The following ZNF98 variants were observed in gnomAD, a reference collection of about 807,000 sequenced individuals.
ZNF98 encodes the protein zinc finger protein 98, also known as zinc finger protein 739.
Under a neutral mutation model 12.8 loss-of-function variants are expected in ZNF98, and 8 were observed. The observed-to-expected ratio is 0.63, with a 90% CI of 0.37 to 1.13. The LOEUF (loss-of-function observed/expected upper bound fraction) is 1.13. Among genes scored for constraint, ZNF98 ranks in the 50% most tolerant of loss-of-function variants. The pLI is 0.01. For missense variants in ZNF98, 379 were observed against 666.1 expected, an observed-to-expected ratio of 0.57 and a Z score of 4.74; for synonymous variants, 112 against 223.5, an observed-to-expected ratio of 0.50 and a Z score of 4.45.
intron 3 of ZNF98, chr19:22,402,331 T>G (rs1969468920): frequency 2.7e-6 from 1 of 376,616 alleles, no homozygotes; most frequent in Admixed American, 4.5e-5. Context: ...AAGACTATAA[T>G]AAGACAGAAT....
chr19:22,413,864 C>T (rs1443510474), intron 1 of ZNF98, among the ~76,000 whole-genome samples: 1 of 101,664 alleles, frequency 9.8e-6, no homozygotes, highest in African/African-American at 3.8e-5. Context: ...AGCAAAACTC[C>T]GTCTCAAAAA....
intron 1 of ZNF98, among the ~76,000 whole-genome samples, chr19:22,415,786 C>A (rs1216177162): frequency 6.6e-6 from 1 of 151,192 alleles, no homozygotes; most frequent in Non-Finnish European, 1.5e-5. Flanking sequence ...AACCTGTCTT[C>A]AAAAATAAAA....
chr19:22,415,956 G>GACACCCACACAC (rs1969636635), intron 1 of ZNF98, among the ~76,000 whole-genome samples: 1 of 111,344 alleles, frequency 9.0e-6, no homozygotes, highest in East Asian at 2.7e-4. Flanking sequence ...AAAAACTACA[G>GACACCCACACAC]ACACACACAC....
At chr19:22,400,797 A>G (rs1373769456) in intron 3 of ZNF98, among the ~76,000 whole-genome samples, 1 of 150,822 alleles carries the variant, frequency 6.6e-6, no homozygotes, top group Non-Finnish European at 1.5e-5. Context: ...TACTAAAAAT[A>G]TAAAAATTAG....
rs201521741 is a variant in ZNF98 at position 22,398,166 on chromosome 19, C to T, written c.253+4623G>A. Among the ~76,000 whole-genome samples, 190 of 152,202 alleles carry T rather than the reference C, an allele frequency of 1.2e-3. 3 individuals are homozygous for T. In the East Asian group the frequency reaches 0.035, roughly 28 times the overall value. Reference sequence around the variant, plus strand: ...ATTCTAACAACTATAAAGGTAAATCCTGATGACTTTATGCAAAATAAAATG... The same window carrying T: ...ATTCTAACAACTATAAAGGTAAATCTTGATGACTTTATGCAAAATAAAATG... On this transcript the variant is annotated intron_variant, in intron 3 of 3. Transcript: ENST00000357774.
intron 3 of ZNF98, among the ~76,000 whole-genome samples, chr19:22,400,122 C>T (rs896707347): frequency 1.1e-4 from 17 of 152,178 alleles, no homozygotes; most frequent in Non-Finnish European, 2.2e-4. Flanking sequence ...TGAACTTACC[C>T]TGCAATCATC....
intron 1 of ZNF98, among the ~76,000 whole-genome samples, chr19:22,414,341 C>G (rs566066166): frequency 7.3e-5 from 11 of 150,992 alleles, no homozygotes; most frequent in Non-Finnish European, 1.6e-4. Context: ...ATCAAACTAC[C>G]AAAAACATTT....
At chr19:22,415,260 G>A (rs970655725) in intron 1 of ZNF98, among the ~76,000 whole-genome samples, 4 of 152,052 alleles carry the variant, frequency 2.6e-5, no homozygotes, top group South Asian at 2.1e-4. Flanking sequence ...TTATACCAGT[G>A]GGAGTGTAAA....
At position 22,392,488 on chromosome 19, in the gene ZNF98, C is replaced by G. The variant is rs1448529366; in HGVS notation, c.747G>C (p.Arg249=). 1 of 1,582,000 alleles carries G rather than the reference C, an allele frequency of 6.3e-7. No homozygotes were observed. The highest frequency in any genetic ancestry group is 8.6e-7 in the Non-Finnish European group (1 of 1,164,292). The change falls in exon 4 of 4, where the codon CGG becomes CGC. Residue 249 remains arginine, a synonymous_variant. Transcript: ENST00000357774. ...TCTTATGTGTAGTAAGGTGTGAGAGCCGGTTAAAGGCTTTTCCACACTCTT... is the reference window on the plus strand; with the variant it reads ...TCTTATGTGTAGTAAGGTGTGAGAGGCGGTTAAAGGCTTTTCCACACTCTT... The part of the protein sequence containing the change: ...KCEECGKAFN[R]LSHLTTHKII...
At chr19:22,415,320 GAA>G (rs1969627819) in intron 1 of ZNF98, among the ~76,000 whole-genome samples, 1 of 152,128 alleles carries the variant, frequency 6.6e-6, no homozygotes. Context: ...AACTAAAACA[GAA>G]TTACCTGTTG....
At chr19:22,406,454 C>G (rs1326462221) in intron 1 of ZNF98, among the ~76,000 whole-genome samples, 1 of 152,004 alleles carries the variant, frequency 6.6e-6, no homozygotes, top group East Asian at 1.9e-4. Context: ...CCACACTAAC[C>G]TCATCCAAGA....
chr19:22,404,668 C>T (rs1378006256), intron 1 of ZNF98, among the ~76,000 whole-genome samples: 1 of 152,130 alleles, frequency 6.6e-6, no homozygotes, highest in Non-Finnish European at 1.5e-5. Flanking sequence ...TAAATCATAG[C>T]CTGAATTTAA....
chr19:22,422,121 C>G, intron 1 of ZNF98, 74 bp downstream of exon 1: 1 of 1,591,882 alleles, frequency 6.3e-7, no homozygotes, highest in South Asian at 1.1e-5. Flanking sequence ...GGCCTGAGTC[C>G]CGCCACAGCC....
chr19:22,420,597 G>T lies in ZNF98; in HGVS notation c.30+1598C>A, dbSNP rs184730210. Among the ~76,000 whole-genome samples, 14 of 152,086 alleles carry T rather than the reference G, an allele frequency of 9.2e-5. No individual in the cohort carries two copies. In the East Asian group the frequency reaches 2.7e-3, roughly 30 times the overall value. On this transcript the variant is annotated intron_variant, in intron 1 of 3. Coordinates refer to ENST00000357774, the MANE Select transcript of ZNF98 (RefSeq NM_001098626.2). ...CAAGAGATTCCATCTTTTCCCCAGG[G>T]TATCCACTGGGGAGGCTGCACTCCC...
At chr19:22,415,654 T>C (rs1439343265) in intron 1 of ZNF98, among the ~76,000 whole-genome samples, 1 of 148,700 alleles carries the variant, frequency 6.7e-6, no homozygotes. Context: ...TCTGGTGGTG[T>C]GTGCCTGCAG....
At chr19:22,404,783 G>A (rs1415246230) in intron 1 of ZNF98, among the ~76,000 whole-genome samples, 4 of 152,174 alleles carry the variant, frequency 2.6e-5, no homozygotes, top group African/African-American at 7.2e-5. Flanking sequence ...ACACCCTAAA[G>A]AGCAAGTATC....
chr19:22,415,246 A>G (rs1969627124), intron 1 of ZNF98, among the ~76,000 whole-genome samples: 1 of 152,192 alleles, frequency 6.6e-6, no homozygotes, highest in South Asian at 2.1e-4. Context: ...GGTTACAGGA[A>G]TGCTTATACC....
At chr19:22,396,545 T>C (rs1231310717) in intron 3 of ZNF98, among the ~76,000 whole-genome samples, 2 of 152,204 alleles carry the variant, frequency 1.3e-5, no homozygotes, top group African/African-American at 4.8e-5. Flanking sequence ...TAAATGTATA[T>C]ATAAAATTAA....
At chr19:22,406,596 T>A (rs1200054470) in intron 1 of ZNF98, among the ~76,000 whole-genome samples, 1 of 151,942 alleles carries the variant, frequency 6.6e-6, no homozygotes, top group Non-Finnish European at 1.5e-5. Context: ...GGCGGGCAGA[T>A]CATGAGGTCA....
Sources: gnomAD v4.1 joint callset for allele counts (sites outside exome capture counted in the v4.1 genomes callset) on GRCh38, gnomAD v4.1.1 for gene constraint, MANE v1.5 for transcripts, NCBI Gene and HGNC (gene_info 2026-07-23, HGNC 2026-07-21) for gene names.